CCNF: variants seen among roughly 807,000 people sequenced by gnomAD.
CCNF encodes the protein cyclin F.
In CCNF, 30 loss-of-function variants were observed where a neutral mutation model predicts 85.4. The ratio of observed to expected loss-of-function variants is 0.35; its 90% confidence interval spans 0.26 to 0.48. The LOEUF (loss-of-function observed/expected upper bound fraction) is 0.48, where lower values mean the gene tolerates loss of function less well. Among genes scored for constraint, CCNF ranks in the 20% least tolerant of loss-of-function variants. The pLI is 0.99. For synonymous variants in CCNF, 439 were observed against 425.1 expected, an observed-to-expected ratio of 1.03 and a Z score of -0.40; for missense variants, 919 against 1,010.4, an observed-to-expected ratio of 0.91 and a Z score of 1.23.
At chr16:2,440,483 G>A (rs2065315199) in intron 8 of CCNF, among the ~76,000 whole-genome samples, 1 of 152,076 alleles carries the variant, frequency 6.6e-6, no homozygotes, top group Non-Finnish European at 1.5e-5. Flanking sequence ...TGGGCGTGGT[G>A]GCAGGCACCT....
chr16:2,448,910 A>T lies in CCNF; in HGVS notation c.1150A>T (p.Thr384Ser). The T allele has an allele frequency of 6.2e-7, 1 of 1,613,996 alleles. No homozygotes were observed. ...GGAGGCCGTATGGCTCACGGACAAC[A>T]CTTACAAGTACGAGGACCTGGTGAG... ...IREAVWLTDN[T>S]YKYEDLVRMM... is the part of the protein sequence containing the mutation. Residue 384 changes from threonine to serine, a missense_variant, in exon 11 of 17, where the codon ACT becomes TCT. By Grantham distance (58) the Thr-to-Ser change is moderately conservative. Around this residue, in one of 3 missense-constraint regions of CCNF, gnomAD observed 4 missense variants for 16.9 expected, o/e 0.24. Coordinates refer to ENST00000397066, the MANE Select transcript of CCNF (RefSeq NM_001761.3).
chr16:2,435,810 G>T lies in CCNF; in HGVS notation c.283G>T (p.Ala95Ser), dbSNP rs1411990421. Residue 95 changes from alanine (A) to serine (S), a missense_variant, in exon 4 of 17, where the codon GCT becomes TCT. By Grantham distance (99) the Ala-to-Ser change is moderately conservative. This residue lies in a region of CCNF where 410 missense variants were observed against 478.6 expected (regional missense o/e 0.86). Coordinates refer to ENST00000397066, the MANE Select transcript of CCNF (RefSeq NM_001761.3). The part of the protein sequence containing the change: ...PGNLKLFERA[A>S]EKGNFEAAVK... ...TTTATGTTCTTAATGTTTCAGGGCT[G>T]CTGAAAAGGGGAATTTCGAAGCTGC... The T allele has an allele frequency of 2.5e-6, 4 of 1,612,842 alleles. No individual in the cohort carries two copies. Among genetic ancestry groups the T allele is most frequent in the Non-Finnish European group, 3.4e-6 (4 of 1,179,164 alleles).
chr16:2,436,980 C>T (rs546824548), intron 4 of CCNF, 149 bp from the exon 5 acceptor site: 1 of 558,088 alleles, frequency 1.8e-6, no homozygotes, highest in Admixed American at 3.1e-5. Flanking sequence ...ACAGGTGCCC[C>T]CATCCTGGAG....
At chr16:2,455,682 C>CG in intron 16 of CCNF, 118 bp downstream of exon 16, 1 of 1,401,144 alleles carries the variant, frequency 7.1e-7, no homozygotes, top group Non-Finnish European at 9.3e-7. Flanking sequence ...GCACAGAGTG[C>CG]GGGGTGGGGC....
chr16:2,445,072 A>G (rs1334403725), intron 9 of CCNF, among the ~76,000 whole-genome samples: 1 of 152,030 alleles, frequency 6.6e-6, no homozygotes, highest in East Asian at 1.9e-4. Flanking sequence ...ATATTGGGGC[A>G]TCATTTACCG....
chr16:2,443,877 T>G, intron 9 of CCNF, 77 bp downstream of exon 9: 1 of 1,379,924 alleles, frequency 7.2e-7, no homozygotes, highest in East Asian at 2.3e-5. Context: ...CCTTTCCACT[T>G]AACCCCAGTT....
At position 2,442,589 on chromosome 16, in the gene CCNF, TATATAATATTATATA is replaced by T. The variant is rs2065331850; in HGVS notation, c.778-1044_778-1030del. Reference sequence around the variant, plus strand: ...TATAATATAATATTATTATATATAATATATAATATTATATAATATAATATTATATATAATATATAA... The same window carrying T: ...TATAATATAATATTATTATATATAATATATAATATTATATATAATATATAA... On this transcript the variant is annotated intron_variant, in intron 8 of 16. Transcript: ENST00000397066. Among the ~76,000 whole-genome samples, 5 of 1,158 alleles carry T rather than the reference TATATAATATTATATA, an allele frequency of 4.3e-3. 1 individual carries two copies. The highest frequency in any genetic ancestry group is 3.3e-3 in the Non-Finnish European group (3 of 918). The allele number at this position is 1,158 out of a possible 152,430, so 0.8% of individuals were successfully genotyped here. A position where few individuals can be genotyped will look rare whatever the true frequency, so the allele number is the denominator to read the frequency against.
chr16:2,436,120 A>G lies in CCNF; in HGVS notation c.346+247A>G, dbSNP rs1161321862. 1.2e-5 allele frequency: 5 copies of G among 416,656 alleles called. No individual in the cohort carries two copies. The East Asian group carries it at 1.6e-4, about 14-fold the overall frequency. The allele number at this position is 416,656 out of a possible 1,614,324, so 25.8% of individuals were successfully genotyped here. ...AGCAAACCCTTTAATTTCAGTTGGC[A>G]AAGAGTGACTGAGCCAGAGCCTCAG... On this transcript the variant is annotated intron_variant, in intron 4 of 16. Coordinates refer to ENST00000397066, the MANE Select transcript of CCNF (RefSeq NM_001761.3).
chr16:2,435,821 G>C lies in CCNF; in HGVS notation c.294G>C (p.Gly98=). The C allele has an allele frequency of 6.2e-7, 1 of 1,613,708 alleles. No homozygotes were observed. Among genetic ancestry groups the C allele is most frequent in the South Asian group, 1.1e-5 (1 of 91,054 alleles). The change falls in exon 4 of 17, where the codon GGG becomes GGC. Residue 98 remains glycine, a synonymous_variant. Transcript: ENST00000397066. ...LKLFERAAEK[G]NFEAAVKLGI... ...AATGTTTCAGGGCTGCTGAAAAGGGGAATTTCGAAGCTGCTGTGAAGCTGG... is the reference window on the plus strand; with the variant it reads ...AATGTTTCAGGGCTGCTGAAAAGGGCAATTTCGAAGCTGCTGTGAAGCTGG...
chr16:2,450,380 A>G (rs12919256), intron 13 of CCNF, among the ~76,000 whole-genome samples: 108,398 of 144,126 alleles, frequency 0.75, 41,707 homozygotes, highest in African/African-American at 0.92. Flanking sequence ...GCGTGGTGGC[A>G]TGCGCCTGCA....
intron 7 of CCNF, 74 bp from the exon 8 acceptor site, chr16:2,439,675 G>A: frequency 1.6e-6 from 2 of 1,265,178 alleles, no homozygotes; most frequent in Non-Finnish European, 2.3e-6. Flanking sequence ...CGTAGTGTCG[G>A]CCCTTCTGGG....
At position 2,451,788 on chromosome 16, in the gene CCNF, G is replaced by A. The variant is rs986580563; in HGVS notation, c.1488-1422G>A. Reference sequence around the variant, plus strand: ...TTCGGCTTCCTGCCCTAGGCCATGCGGCCTAGGTGTTGGTCTCCCTTCCCA... The same window carrying A: ...TTCGGCTTCCTGCCCTAGGCCATGCAGCCTAGGTGTTGGTCTCCCTTCCCA... On this transcript the variant is annotated intron_variant, in intron 13 of 16. Coordinates refer to ENST00000397066, the MANE Select transcript of CCNF (RefSeq NM_001761.3). This position sits in a 1 kb window ranked among gnomAD's most constrained non-coding sequence, Gnocchi z 4.3. Among the ~76,000 whole-genome samples, 4 of 152,098 alleles carry A rather than the reference G, an allele frequency of 2.6e-5. No homozygotes were observed. The highest frequency in any genetic ancestry group is 4.4e-5 in the Non-Finnish European group (3 of 68,002).
In CCNF at chr16:2,448,861, C is replaced by A; in HGVS notation, c.1101C>A (p.Ile367=). 1 of 1,613,564 alleles carries A rather than the reference C, an allele frequency of 6.2e-7. No homozygotes were observed. Among genetic ancestry groups the A allele is most frequent in the South Asian group, 1.1e-5 (1 of 91,064 alleles). The stretch of plus-strand genomic sequence containing the variant: ...CCCCTTCTCGGCGTTGCAGGTTTAT[C>A]AGTAAAGAGATCCTGACCATCCGGG... The part of the protein sequence containing the change: ...IACMVICTRF[I]SKEILTIREA... The change falls in exon 11 of 17, where the codon ATC becomes ATA. Residue 367 remains isoleucine (I), a synonymous_variant. Transcript: ENST00000397066.
chr16:2,441,038 C>A (rs1469278115), intron 8 of CCNF, among the ~76,000 whole-genome samples: 1 of 151,102 alleles, frequency 6.6e-6, no homozygotes, highest in Non-Finnish European at 1.5e-5. Flanking sequence ...TCGAGACCAC[C>A]CTGGCCAATG....
rs2141833275 is a variant in CCNF, at chr16:2,456,222, G to A, written c.1886-323G>A. 6.5e-6 allele frequency: 2 copies of A among 309,540 alleles called. No homozygotes were observed. Among genetic ancestry groups the A allele is most frequent in the Non-Finnish European group, 6.0e-6 (1 of 166,576 alleles). The allele number at this position is 309,540 out of a possible 1,614,324, so 19.2% of individuals were successfully genotyped here. A position where few individuals can be genotyped will look rare whatever the true frequency, so the allele number is the denominator to read the frequency against. On this transcript the variant is annotated intron_variant, in intron 16 of 16. Coordinates refer to ENST00000397066, the MANE Select transcript of CCNF (RefSeq NM_001761.3). This position sits in a 1 kb window ranked among gnomAD's most constrained non-coding sequence, Gnocchi z 4.5. ...TGCCCTGCTGGGATCACTGCCCTGTGCAAACCCCAGGCAGACTGCGGGGTC... is the reference window on the plus strand; with the variant it reads ...TGCCCTGCTGGGATCACTGCCCTGTACAAACCCCAGGCAGACTGCGGGGTC...
intron 2 of CCNF, among the ~76,000 whole-genome samples, chr16:2,431,679 CAAAA>C (rs553578806): frequency 1.4e-5 from 1 of 72,946 alleles, no homozygotes; most frequent in African/African-American, 5.8e-5. Flanking sequence ...GACTCTGTCT[CAAAA>C]AAAAAAAAAA....
At chr16:2,432,931 C>A in intron 2 of CCNF, 30 bp from the exon 3 acceptor site, 2 of 1,440,140 alleles carry the variant, frequency 1.4e-6, no homozygotes, top group Non-Finnish European at 1.9e-6. Flanking sequence ...GTGCCTCCAT[C>A]ACCCAGCCCC....
intron 11 of CCNF, 89 bp downstream of exon 11, chr16:2,449,067 G>GGCCT (rs1456015318): frequency 2.6e-6 from 4 of 1,553,950 alleles, no homozygotes; most frequent in Non-Finnish European, 2.7e-6. Flanking sequence ...GCTGTGGGAG[G>GGCCT]GCCTCATGGA....
chr16:2,448,306 T>G (rs1364322009), intron 10 of CCNF, among the ~76,000 whole-genome samples: 1 of 152,246 alleles, frequency 6.6e-6, no homozygotes, highest in Non-Finnish European at 1.5e-5. Flanking sequence ...TTGGGCCTTT[T>G]GCAGACATTT....
Sources: allele counts gnomAD v4.1 joint callset (sites outside exome capture counted in the v4.1 genomes callset), GRCh38; gene constraint gnomAD v4.1.1; regional missense constraint gnomAD v4.1.1; non-coding constraint Gnocchi (gnomAD v3.1); transcripts MANE v1.5; gene names NCBI Gene and HGNC (gene_info 2026-07-23, HGNC 2026-07-21).